Variants in SPECC1 observed in about 807,000 individuals in gnomAD.
SPECC1 encodes cytospin-B.
In SPECC1, 62 loss-of-function variants were observed where a neutral mutation model predicts 104.1. That is an observed-to-expected ratio of 0.60 (90% CI 0.49 to 0.74). SPECC1 has a LOEUF of 0.74. Ranked by LOEUF, SPECC1 falls within the 30% of genes least tolerant of loss-of-function variation. SPECC1 has a pLI of 0.00. For synonymous variants in SPECC1, 513 were observed against 501.6 expected (o/e 1.02, Z -0.30); for missense variants, 1,306 against 1,310.5 (o/e 1.00, Z 0.05).
At chr17:20,041,983 C>T (rs944569390) in intron 1 of SPECC1, among the ~76,000 whole-genome samples, 5 of 152,174 alleles carry the variant, frequency 3.3e-5, no homozygotes, top group African/African-American at 1.2e-4. Context: ...TATCTGTGCT[C>T]TCTTAGTGCT....
chr17:20,179,845 C>T (rs751151904), intron 3 of SPECC1, among the ~76,000 whole-genome samples: 4 of 152,152 alleles, frequency 2.6e-5, no homozygotes, highest in Non-Finnish European at 4.4e-5. Context: ...GATATTAACA[C>T]GGCTGAAGAT....
In SPECC1 at chr17:20,091,893, A is replaced by G. The variant is rs116475625; in HGVS notation, c.-21-4738A>G. Among the ~76,000 whole-genome samples, 1,238 of 152,268 alleles carry G rather than the reference A, an allele frequency of 8.1e-3. 17 individuals carry two copies. Among genetic ancestry groups the G allele is most frequent in the African/African-American group, 0.028 (1,168 of 41,550 alleles). On this transcript the variant is annotated intron_variant, in intron 1 of 14. Coordinates refer to ENST00000395527, the MANE Select transcript of SPECC1 (RefSeq NM_001243439.2). ...CCTTTCTATTTCTTGCCTTAAAAGG[A>G]TAATGAAGCTGAGGCCCGAGATAAC...
At chr17:20,190,087 C>CTG (rs2035559950) in intron 3 of SPECC1, among the ~76,000 whole-genome samples, 1 of 144,954 alleles carries the variant, frequency 6.9e-6, no homozygotes, top group East Asian at 1.9e-4. Context: ...ACCCAAAAGA[C>CTG]AGTCCAGCTG....
At chr17:20,257,806 T>C (rs573709343) in intron 11 of SPECC1, among the ~76,000 whole-genome samples, 199 bp downstream of exon 11, 9 of 152,344 alleles carry the variant, frequency 5.9e-5, no homozygotes, top group Admixed American at 5.9e-4. Flanking sequence ...AATTAAGGGC[T>C]GTAAAAAACA....
intron 3 of SPECC1, among the ~76,000 whole-genome samples, chr17:20,159,314 C>T (rs2032916561): frequency 6.6e-6 from 1 of 152,174 alleles, no homozygotes; most frequent in Admixed American, 6.5e-5. Context: ...CCTCTTGCTT[C>T]AGCCTCCCAA....
chr17:20,288,901 C>G (rs1254887157), intron 12 of SPECC1, among the ~76,000 whole-genome samples: 1 of 151,448 alleles, frequency 6.6e-6, no homozygotes, highest in Non-Finnish European at 1.5e-5. Flanking sequence ...TCTCCTGCCT[C>G]AGCCTCCTGA....
At chr17:20,061,232 C>T (rs982265802) in intron 1 of SPECC1, among the ~76,000 whole-genome samples, 4 of 152,130 alleles carry the variant, frequency 2.6e-5, no homozygotes, top group Non-Finnish European at 2.9e-5. Flanking sequence ...CCACCACGCC[C>T]GGCTAATTTT....
intron 1 of SPECC1, among the ~76,000 whole-genome samples, chr17:20,023,033 C>T (rs1319366496): frequency 6.6e-6 from 1 of 152,092 alleles, no homozygotes; most frequent in East Asian, 1.9e-4. Context: ...ACCAAACAAA[C>T]CCAAAAAACT....
At chr17:20,181,317 A>G (rs1205096324) in intron 3 of SPECC1, among the ~76,000 whole-genome samples, 3 of 152,164 alleles carry the variant, frequency 2.0e-5, no homozygotes, top group Non-Finnish European at 4.4e-5. Context: ...AATGAAATAG[A>G]AAATAAAATG....
At chr17:20,127,266 A>G (rs1386639968) in intron 3 of SPECC1, among the ~76,000 whole-genome samples, 1 of 152,140 alleles carries the variant, frequency 6.6e-6, no homozygotes, top group African/African-American at 2.4e-5. Context: ...TCATAGGTGC[A>G]TATTTACTTG....
chr17:20,059,219 A>G (rs1376248865), intron 1 of SPECC1, among the ~76,000 whole-genome samples: 3 of 152,004 alleles, frequency 2.0e-5, no homozygotes, highest in Non-Finnish European at 4.4e-5. Flanking sequence ...TATAGAATCA[A>G]TGGGAGCCCT....
intron 3 of SPECC1, among the ~76,000 whole-genome samples, chr17:20,136,531 A>C (rs1437091843): frequency 6.6e-6 from 1 of 151,974 alleles, no homozygotes; most frequent in Admixed American, 6.5e-5. Flanking sequence ...CAGTTTACTT[A>C]TTCAAAATGT....
At chr17:20,052,012 A>AT (rs2045792083) in intron 1 of SPECC1, among the ~76,000 whole-genome samples, 1 of 152,230 alleles carries the variant, frequency 6.6e-6, no homozygotes, top group African/African-American at 2.4e-5. Context: ...ATAGTGGGTT[A>AT]TTAAGGATTA....
At chr17:20,016,217 CAA>C (rs71157853) in intron 1 of SPECC1, among the ~76,000 whole-genome samples, 10,087 of 103,932 alleles carry the variant, frequency 0.097, 1,039 homozygotes, top group African/African-American at 0.29. Context: ...GACTCCATCT[CAA>C]AAAAAAAAAA....
intron 12 of SPECC1, among the ~76,000 whole-genome samples, chr17:20,294,041 G>A (rs1234288841): frequency 1.3e-5 from 2 of 152,144 alleles, no homozygotes; most frequent in Non-Finnish European, 2.9e-5. Flanking sequence ...GAGTGCAGTG[G>A]TGCAATCTCA....
Position 20,253,784 on chromosome 17 carries a change from G to C in SPECC1, c.2680+198G>C, listed in dbSNP as rs536556630. Among the ~76,000 whole-genome samples the C allele has an allele frequency of 2.6e-5, 4 of 152,230 alleles. No individual in the cohort carries two copies. In the South Asian group the frequency reaches 8.3e-4, roughly 32 times the overall value. On this transcript the variant is annotated intron_variant, in intron 10 of 14. Coordinates refer to ENST00000395527, the MANE Select transcript of SPECC1 (RefSeq NM_001243439.2). ...CAAAAGGAAAAAGTGTCTCCTGCCA[G>C]CTGCACTTCTCAGTGCCCTTGTGCT...
chr17:20,190,284 G>T lies in SPECC1; in HGVS notation c.284-14049G>T, dbSNP rs143703521. On this transcript the variant is annotated intron_variant, in intron 3 of 14. Transcript: ENST00000395527. ...ATTGCTAATTGCCTGTTTCCACACT[G>T]TACTCATAAACATTCATATTTCTTT... 1.5e-3 allele frequency among the ~76,000 whole-genome samples: 225 copies of T among 152,202 alleles called. 2 individuals carry two copies. The highest frequency in any genetic ancestry group is 5.1e-3 in the African/African-American group (210 of 41,542).
At chr17:20,193,212 T>G (rs949463715) in intron 3 of SPECC1, among the ~76,000 whole-genome samples, 1 of 152,208 alleles carries the variant, frequency 6.6e-6, no homozygotes, top group Non-Finnish European at 1.5e-5. Flanking sequence ...CTTGTGGCCA[T>G]CTTGGTTTTG....
At chr17:20,175,668 G>A (rs981288389) in intron 3 of SPECC1, among the ~76,000 whole-genome samples, 1 of 152,168 alleles carries the variant, frequency 6.6e-6, no homozygotes, top group Non-Finnish European at 1.5e-5. Flanking sequence ...CTGAAAATTG[G>A]TTGACTTTCT....
Sources: allele counts gnomAD v4.1 joint callset (sites outside exome capture counted in the v4.1 genomes callset), GRCh38; gene constraint gnomAD v4.1.1; transcripts MANE v1.5; gene names NCBI Gene and HGNC (gene_info 2026-07-23, HGNC 2026-07-21).